Variants in ATAD3A observed in about 807,000 individuals in gnomAD.
ATAD3A encodes the protein ATPase family AAA domain containing 3A, also known as ATPase family AAA domain-containing protein 3A.
In ATAD3A, 46 loss-of-function variants were observed where a neutral mutation model predicts 73.8. The ratio of observed to expected loss-of-function variants is 0.62; its 90% CI spans 0.49 to 0.80. ATAD3A has a LOEUF of 0.80. ATAD3A is among the 30% of genes least tolerant of loss of function. ATAD3A has a pLI of 0.00. For missense variants in ATAD3A, 705 were observed against 838.0 expected (o/e 0.84, Z 1.96); for synonymous variants, 319 against 350.0 (o/e 0.91, Z 0.99).
At chr1:1,527,146 C>T (rs181526331) in intron 13 of ATAD3A, 759 of 1,301,366 alleles carry the variant, frequency 5.8e-4, no homozygotes, top group Middle Eastern at 3.7e-3. Context: ...TTCTTGGTCT[C>T]CTGGGCCCCT....
intron 7 of ATAD3A, among the ~76,000 whole-genome samples, chr1:1,521,825 A>G (rs992595742): frequency 2.0e-5 from 3 of 152,098 alleles, no homozygotes; most frequent in South Asian, 2.1e-4. Flanking sequence ...TCAGCCTCCC[A>G]AGTGACTGGG....
In ATAD3A at chr1:1,534,436, C is replaced by CTTTG; in HGVS notation, c.*367_*370dup. ...GCAGCAGGAGCCAGGCAGGTGATGT[C>CTTTG]TTTGTTCTCGGCTCCCACAGCAGAG... On this transcript the variant is annotated 3_prime_UTR_variant, in exon 16 of 16. Transcript: ENST00000378756. 1 of 1,256,302 alleles carries CTTTG rather than the reference C, an allele frequency of 8.0e-7. No homozygotes were observed. The highest frequency in any genetic ancestry group is 1.0e-6 in the Non-Finnish European group (1 of 982,014). The allele number at this position is 1,256,302 out of a possible 1,614,324, so 77.8% of individuals were successfully genotyped here.
intron 10 of ATAD3A, 96 bp downstream of exon 10, chr1:1,524,060 C>G: frequency 1.3e-6 from 2 of 1,597,592 alleles, no homozygotes; most frequent in Non-Finnish European, 1.7e-6. Context: ...GAATGGACCC[C>G]CCTTAGGCCT....
chr1:1,523,193 G>A lies in ATAD3A; in HGVS notation c.906+294G>A, dbSNP rs1331398210. ...CTTGGGTGTGCGGCCGTCTATCAGG[G>A]AAGCTGCTACAGGCCACGGCGTCTG... On this transcript the variant is annotated intron_variant, in intron 8 of 15. Coordinates refer to ENST00000378756, the MANE Select transcript of ATAD3A (RefSeq NM_001170535.3). This position sits in a 1 kb window ranked among gnomAD's most constrained non-coding sequence, Gnocchi z 5.1. Among the ~76,000 whole-genome samples the A allele has an allele frequency of 6.6e-6, 1 of 152,054 alleles. No homozygotes were observed. Among genetic ancestry groups the A allele is most frequent in the African/African-American group, 2.4e-5 (1 of 41,356 alleles).
rs1409693265 is a variant in ATAD3A, at chr1:1,523,376, C to T, written c.907-135C>T. The T allele has an allele frequency of 7.0e-7, 1 of 1,431,408 alleles. No individual in the cohort carries two copies. Among genetic ancestry groups the T allele is most frequent in the Non-Finnish European group, 9.5e-7 (1 of 1,053,628 alleles). The allele number at this position is 1,431,408 out of a possible 1,614,324, so 88.7% of individuals were successfully genotyped here. On this transcript the variant is annotated intron_variant, in intron 8 of 15. Transcript: ENST00000378756. The surrounding 1 kb of genome is among the most constrained non-coding windows in gnomAD (Gnocchi z 5.1). ...CTGGTCTCCGGGCGGGGCAGGGTTCCAGCTCCGGGCCGGTCCTGGCTGTGC... is the reference window on the plus strand; with the variant it reads ...CTGGTCTCCGGGCGGGGCAGGGTTCTAGCTCCGGGCCGGTCCTGGCTGTGC...
rs1381083934 is a variant in ATAD3A at position 1,520,742 on chromosome 1, G to A, written c.750+125G>A. 23 of 1,475,130 alleles carry A rather than the reference G, an allele frequency of 1.6e-5. No homozygotes were observed. The highest frequency in any genetic ancestry group is 2.4e-5 in the East Asian group (1 of 42,352). 91.4% of individuals were successfully genotyped at this position (1,475,130 alleles called of 1,614,324 possible). The stretch of plus-strand genomic sequence containing the variant: ...CTGTAGCTCTCCCAGCAGGGAGGAA[G>A]CCCACGTTGTACCTGCTGGCCTCGG... On this transcript the variant is annotated intron_variant, in intron 7 of 15. Transcript: ENST00000378756. The surrounding 1 kb of genome is among the most constrained non-coding windows in gnomAD (Gnocchi z 4.0).
chr1:1,526,830 G>T (rs1641864396), intron 13 of ATAD3A, among the ~76,000 whole-genome samples: 1 of 152,216 alleles, frequency 6.6e-6, no homozygotes, highest in African/African-American at 2.4e-5. Flanking sequence ...TCCTGTGCCT[G>T]CAAGGGAGGT....
At chr1:1,527,541 G>A (rs1557475510) in intron 13 of ATAD3A, among the ~76,000 whole-genome samples, 154 bp from the exon 14 acceptor site, 2 of 152,236 alleles carry the variant, frequency 1.3e-5, no homozygotes, top group South Asian at 2.1e-4. Flanking sequence ...GGACAGCTGG[G>A]TGCAGTGGGG....
chr1:1,534,518 T>G lies in ATAD3A; in HGVS notation c.*446T>G. 3 of 593,556 alleles carry G rather than the reference T, an allele frequency of 5.1e-6. No individual in the cohort carries two copies. Among genetic ancestry groups the G allele is most frequent in the Non-Finnish European group, 7.1e-6 (3 of 421,028 alleles). 36.8% of individuals were successfully genotyped at this position (593,556 alleles called of 1,614,324 possible). On this transcript the variant is annotated 3_prime_UTR_variant, in exon 16 of 16. Coordinates refer to ENST00000378756, the MANE Select transcript of ATAD3A (RefSeq NM_001170535.3). ...CCAGGTGGGGCAGCCTGAACCCTGC[T>G]TCCCCCTGTGGCCGGCATGCCCCGA... is the stretch of plus-strand genomic sequence containing the variant.
intron 12 of ATAD3A, 116 bp from the exon 13 acceptor site, chr1:1,526,345 A>T (rs886746951): frequency 1.3e-6 from 2 of 1,564,642 alleles, no homozygotes; most frequent in Non-Finnish European, 1.7e-6. Flanking sequence ...GAGTAGATCC[A>T]TGAAAGTGTC....
chr1:1,532,882 T>C (rs1428132234), intron 15 of ATAD3A, among the ~76,000 whole-genome samples: 2 of 150,666 alleles, frequency 1.3e-5, no homozygotes, highest in Non-Finnish European at 2.9e-5. Flanking sequence ...TCTCCTGCAC[T>C]CCGGGGCCCC....
intron 7 of ATAD3A, among the ~76,000 whole-genome samples, chr1:1,522,417 G>A (rs1641630368): frequency 6.6e-6 from 1 of 152,226 alleles, no homozygotes; most frequent in Non-Finnish European, 1.5e-5. Flanking sequence ...CATTTTTAGT[G>A]GCCAAGAATG....
chr1:1,512,403 C>T lies in ATAD3A; in HGVS notation c.135C>T (p.Asp45=). Reference sequence around the variant, plus strand: ...TGGGAGACCGGCCGGCGCCCAAGGACAAATGGAGCAACTTCGACCCCACCG... The same window carrying T: ...TGGGAGACCGGCCGGCGCCCAAGGATAAATGGAGCAACTTCGACCCCACCG... The part of the protein sequence containing the change: ...RGLGDRPAPK[D]KWSNFDPTGL... The change falls in exon 1 of 16, where the codon GAC becomes GAT. Residue 45 remains aspartate (D), a synonymous_variant. Coordinates refer to ENST00000378756, the MANE Select transcript of ATAD3A (RefSeq NM_001170535.3). 2.4e-6 allele frequency: 3 copies of T among 1,234,052 alleles called. No individual in the cohort carries two copies. Among genetic ancestry groups the T allele is most frequent in the Non-Finnish European group, 3.0e-6 (3 of 983,998 alleles). The allele number at this position is 1,234,052 out of a possible 1,614,324, so 76.4% of individuals were successfully genotyped here. A position where few individuals can be genotyped will look rare whatever the true frequency, so the allele number is the denominator to read the frequency against.
chr1:1,529,527 A>C (rs539293733), intron 15 of ATAD3A, among the ~76,000 whole-genome samples, 196 bp downstream of exon 15: 1 of 152,270 alleles, frequency 6.6e-6, no homozygotes, highest in South Asian at 2.1e-4. Flanking sequence ...TCGTGCCCTC[A>C]GGAGGGTGGA....
intron 11 of ATAD3A, 110 bp from the exon 12 acceptor site, chr1:1,525,130 C>G: frequency 6.9e-7 from 1 of 1,457,970 alleles, no homozygotes. Flanking sequence ...GGGGCAGAGC[C>G]TGACCCCGTG....
chr1:1,527,525 G>A (rs1367490204), intron 13 of ATAD3A, among the ~76,000 whole-genome samples, 170 bp from the exon 14 acceptor site: 1 of 152,236 alleles, frequency 6.6e-6, no homozygotes, highest in Non-Finnish European at 1.5e-5. Context: ...AGGAAGCCAG[G>A]CCGGGGGACA....
At chr1:1,521,255 C>T (rs1281259723) in intron 7 of ATAD3A, among the ~76,000 whole-genome samples, 10 of 133,756 alleles carry the variant, frequency 7.5e-5, no homozygotes, top group Non-Finnish European at 1.1e-4. Flanking sequence ...GTCGAGATCA[C>T]GCTACTGCAC....
In ATAD3A at chr1:1,533,610, G is replaced by A. The variant is rs549995653; in HGVS notation, c.1615-316G>A. The stretch of plus-strand genomic sequence containing the variant: ...TGGCCACGGCTGAGACTCGCAGAGG[G>A]TCTGCAGTTCCCACCTGCCTCTCGG... On this transcript the variant is annotated intron_variant, in intron 15 of 15. Coordinates refer to ENST00000378756, the MANE Select transcript of ATAD3A (RefSeq NM_001170535.3). 2.5e-4 allele frequency among the ~76,000 whole-genome samples: 38 copies of A among 152,282 alleles called. No individual in the cohort carries two copies. In the South Asian group the frequency reaches 6.8e-3, roughly 27 times the overall value.
chr1:1,533,745 A>T (rs1642115250), intron 15 of ATAD3A, among the ~76,000 whole-genome samples, 181 bp from the exon 16 acceptor site: 1 of 151,430 alleles, frequency 6.6e-6, no homozygotes, highest in Admixed American at 6.6e-5. Context: ...TGGGCACTGC[A>T]GGGGCTGCTC....
Sources: allele counts gnomAD v4.1 joint callset (sites outside exome capture counted in the v4.1 genomes callset), GRCh38; gene constraint gnomAD v4.1.1; non-coding constraint Gnocchi (gnomAD v3.1); transcripts MANE v1.5; gene names NCBI Gene and HGNC (gene_info 2026-07-23, HGNC 2026-07-21).